The following CTTNBP2 variants were observed in gnomAD, a reference collection of about 807,000 sequenced individuals.
CTTNBP2 encodes cortactin-binding protein 2.
In CTTNBP2, 108 loss-of-function variants were observed where a neutral mutation model predicts 156.9. The observed-to-expected ratio is 0.69, with a 90% CI of 0.59 to 0.81. The LOEUF (loss-of-function observed/expected upper bound fraction) is 0.81. Among genes scored for constraint, CTTNBP2 ranks in the 30% least tolerant of loss-of-function variants. The probability of loss-of-function intolerance (pLI) is 0.00; values close to 1 mark genes in which losing one functional copy is unlikely to be tolerated. For synonymous variants in CTTNBP2, 767 were observed against 751.8 expected (o/e 1.02, Z -0.33); for missense variants, 1,924 against 2,035.4 (o/e 0.95, Z 1.05).
Position 117,782,890 on chromosome 7 carries a change from A to G in CTTNBP2, c.2344T>C (p.Cys782Arg), listed in dbSNP as rs1465695776. The G allele has an allele frequency of 2.5e-6, 4 of 1,613,956 alleles. No individual in the cohort carries two copies. The highest frequency in any genetic ancestry group is 3.4e-6 in the Non-Finnish European group (4 of 1,179,942). ...AAATGTCCCTGAGCAGCTGCAGCAC[A>G]CAAGGGTGTGAAGCCATTTTTATCA... Reference protein sequence around the residue: ...AADKNGFTPLCAAAAQGHFEC... With the variant: ...AADKNGFTPLRAAAAQGHFEC... Residue 782 changes from cysteine to arginine, a missense_variant, in exon 6 of 23, where the codon TGT becomes CGT. Physicochemically the swap from Cys to Arg is radical, Grantham distance 180. Transcript: ENST00000160373.
intron 9 of CTTNBP2, among the ~76,000 whole-genome samples, chr7:117,762,395 C>T (rs768564147): frequency 1.3e-5 from 2 of 152,178 alleles, no homozygotes; most frequent in Non-Finnish European, 2.9e-5. Context: ...GCAACTCCAT[C>T]GTGCCAGTTG....
intron 2 of CTTNBP2, among the ~76,000 whole-genome samples, chr7:117,845,848 A>C (rs1304326221): frequency 2.7e-5 from 4 of 150,540 alleles, no homozygotes; most frequent in Admixed American, 2.6e-4. Context: ...GTTTCTGTTA[A>C]TTTTTTTTTC....
intron 22 of CTTNBP2, among the ~76,000 whole-genome samples, chr7:117,717,801 A>C (rs1794519602): frequency 6.6e-6 from 1 of 151,902 alleles, no homozygotes; most frequent in African/African-American, 2.4e-5. Flanking sequence ...AATCAAATTG[A>C]AGGGAAAAAA....
chr7:117,846,601 C>A (rs1161033661), intron 2 of CTTNBP2, among the ~76,000 whole-genome samples: 1 of 151,868 alleles, frequency 6.6e-6, no homozygotes, highest in African/African-American at 2.4e-5. Flanking sequence ...TTTAAAATAT[C>A]ATATAATGCT....
At chr7:117,849,535 C>T (rs183778920) in intron 2 of CTTNBP2, among the ~76,000 whole-genome samples, 5 of 152,220 alleles carry the variant, frequency 3.3e-5, no homozygotes, top group Admixed American at 2.0e-4. Context: ...ATAAATGCTT[C>T]AGCTTGGCAT....
chr7:117,835,237 C>G (rs772310539), intron 2 of CTTNBP2, among the ~76,000 whole-genome samples: 93 of 152,216 alleles, frequency 6.1e-4, no homozygotes, highest in Admixed American at 1.4e-3. Context: ...GGTGAATTAT[C>G]AGTGTGTCTT....
chr7:117,791,246 T>C lies in CTTNBP2; in HGVS notation c.1950A>G (p.Ala650=), dbSNP rs779713064. 26 of 1,613,996 alleles carry C rather than the reference T, an allele frequency of 1.6e-5. No homozygotes were observed. The highest frequency in any genetic ancestry group is 2.0e-5 in the Non-Finnish European group (24 of 1,179,998). Residue 650 remains alanine, a synonymous_variant, in exon 4 of 23, where the codon GCA becomes GCG. Transcript: ENST00000160373. ...PAATPGLNQP[A]CSDSSLVIPT... ...GAATGACAAGGGAACTGTCTGAACA[T>C]GCAGGTTGGTTCAGTCCGGGGGTTG...
At chr7:117,739,484 C>T (rs371197334) in intron 14 of CTTNBP2, among the ~76,000 whole-genome samples, 2 of 152,218 alleles carry the variant, frequency 1.3e-5, no homozygotes, top group African/African-American at 4.8e-5. Flanking sequence ...CAGCCCTGCT[C>T]CTCTCCTGCA....
intron 2 of CTTNBP2, 139 bp from the exon 3 acceptor site, chr7:117,811,128 T>G: frequency 1.5e-6 from 1 of 660,078 alleles, no homozygotes; most frequent in Non-Finnish European, 2.6e-6. Flanking sequence ...CAGTGGTGAG[T>G]GAGAGGCAAA....
chr7:117,786,586 A>C (rs1798714326), intron 4 of CTTNBP2, among the ~76,000 whole-genome samples: 1 of 152,220 alleles, frequency 6.6e-6, no homozygotes, highest in African/African-American at 2.4e-5. Flanking sequence ...CCTCTGTGGA[A>C]CAGGAGGGAA....
intron 9 of CTTNBP2, among the ~76,000 whole-genome samples, chr7:117,763,810 A>G (rs1037057119): frequency 6.6e-6 from 1 of 151,808 alleles, no homozygotes. Flanking sequence ...GGCTCAAGCA[A>G]TCCTCCTGCC....
intron 8 of CTTNBP2, among the ~76,000 whole-genome samples, chr7:117,767,551 T>C (rs1477125005): frequency 6.6e-6 from 1 of 152,234 alleles, no homozygotes; most frequent in African/African-American, 2.4e-5. Flanking sequence ...AGACTTTTGC[T>C]ATAACGGGAT....
intron 2 of CTTNBP2, among the ~76,000 whole-genome samples, chr7:117,852,363 C>G (rs1802983622): frequency 6.6e-6 from 1 of 150,496 alleles, no homozygotes. Context: ...CAAAATGCAA[C>G]TACAAGAGAC....
intron 1 of CTTNBP2, among the ~76,000 whole-genome samples, chr7:117,872,857 G>A (rs1052737613): frequency 1.3e-5 from 2 of 152,114 alleles, no homozygotes; most frequent in African/African-American, 4.8e-5. Context: ...ACACCTGCTG[G>A]GCGATGGCCC....
intron 19 of CTTNBP2, among the ~76,000 whole-genome samples, chr7:117,724,206 C>G (rs537705274): frequency 1.3e-5 from 2 of 151,882 alleles, no homozygotes; most frequent in African/African-American, 4.8e-5. Context: ...TTAGGAGTGA[C>G]ATAATGGAGA....
intron 12 of CTTNBP2, among the ~76,000 whole-genome samples, chr7:117,748,211 C>A (rs545447945): frequency 1.3e-5 from 2 of 152,052 alleles, no homozygotes; most frequent in Non-Finnish European, 2.9e-5. Flanking sequence ...AAAAGTAATA[C>A]GTTTTCATTT....
chr7:117,867,275 G>A (rs920871836), intron 1 of CTTNBP2, among the ~76,000 whole-genome samples: 1 of 152,046 alleles, frequency 6.6e-6, no homozygotes, highest in African/African-American at 2.4e-5. Context: ...ATTCTCCTCT[G>A]ATTCATCTGG....
intron 2 of CTTNBP2, among the ~76,000 whole-genome samples, chr7:117,859,503 T>C (rs745875863): frequency 4.0e-5 from 6 of 151,718 alleles, no homozygotes; most frequent in African/African-American, 1.5e-4. Flanking sequence ...GACCAAAAAA[T>C]ATATATATAT....
intron 19 of CTTNBP2, among the ~76,000 whole-genome samples, chr7:117,721,765 G>A (rs931004867): frequency 1.3e-5 from 2 of 152,166 alleles, no homozygotes; most frequent in Admixed American, 6.5e-5. Flanking sequence ...TCTTGCTGGA[G>A]GTATACTGAT....
Sources: gnomAD v4.1 joint callset for allele counts (sites outside exome capture counted in the v4.1 genomes callset) on GRCh38, gnomAD v4.1.1 for gene constraint, MANE v1.5 for transcripts, NCBI Gene and HGNC (gene_info 2026-07-23, HGNC 2026-07-21) for gene names.